AGPAT5: variants seen among roughly 807,000 people sequenced by gnomAD.
AGPAT5 encodes 1-acylglycerol-3-phosphate O-acyltransferase 5.
In AGPAT5, 46 loss-of-function variants were observed where a neutral mutation model predicts 45.6. That is an observed-to-expected ratio of 1.01 (90% CI 0.80 to 1.29). The LOEUF (loss-of-function observed/expected upper bound fraction) is 1.29. Among genes scored for constraint, AGPAT5 ranks in the 50% most tolerant of loss-of-function variants. The pLI, the probability that AGPAT5 is intolerant of heterozygous loss-of-function variation, is 0.00. For synonymous variants in AGPAT5, 272 were observed against 167.0 expected (o/e 1.63, Z -4.85); for missense variants, 673 against 450.7 (o/e 1.49, Z -4.47).
At chr8:6,741,024 A>T (rs1801228682) in intron 4 of AGPAT5, among the ~76,000 whole-genome samples, 1 of 152,124 alleles carries the variant, frequency 6.6e-6, no homozygotes, top group Non-Finnish European at 1.5e-5. Flanking sequence ...TAAGCGTAAA[A>T]ACTTAGACTA....
chr8:6,731,854 C>G (rs1800875422), intron 3 of AGPAT5, among the ~76,000 whole-genome samples: 1 of 152,332 alleles, frequency 6.6e-6, no homozygotes, highest in East Asian at 1.9e-4. Flanking sequence ...AGGCCTCTCT[C>G]CCAGGCTTGC....
intron 2 of AGPAT5, among the ~76,000 whole-genome samples, chr8:6,725,425 C>G (rs1436384647): frequency 1.3e-5 from 2 of 152,134 alleles, no homozygotes; most frequent in Non-Finnish European, 2.9e-5. Context: ...TGCTACTGTT[C>G]CATCAGAGGA....
intron 1 of AGPAT5, among the ~76,000 whole-genome samples, chr8:6,712,028 G>A (rs1800172333): frequency 1.3e-5 from 2 of 152,144 alleles, no homozygotes; most frequent in Admixed American, 6.6e-5. Context: ...TTGAGGGGCT[G>A]CCCTTCATTC....
At chr8:6,719,472 A>C (rs1314331887) in intron 1 of AGPAT5, among the ~76,000 whole-genome samples, 2 of 152,204 alleles carry the variant, frequency 1.3e-5, no homozygotes, top group Non-Finnish European at 2.9e-5. Context: ...AGGAATTCCT[A>C]CTCATCAAAA....
chr8:6,729,372 C>T (rs1162584407), intron 2 of AGPAT5, among the ~76,000 whole-genome samples: 2 of 147,088 alleles, frequency 1.4e-5, no homozygotes, highest in African/African-American at 2.6e-5. Context: ...CATTTCCTTC[C>T]TCTGACTCAC....
intron 1 of AGPAT5, among the ~76,000 whole-genome samples, chr8:6,720,189 G>T (rs1024063518): frequency 6.6e-6 from 1 of 152,062 alleles, no homozygotes; most frequent in Non-Finnish European, 1.5e-5. Flanking sequence ...ATGTGCTGTG[G>T]GAGTCAGTGA....
At chr8:6,735,234 C>T (rs1035738264) in intron 4 of AGPAT5, among the ~76,000 whole-genome samples, 6 of 152,248 alleles carry the variant, frequency 3.9e-5, no homozygotes, top group East Asian at 1.9e-4. Flanking sequence ...TGCCCCTGTT[C>T]ATCAGTTTCA....
At chr8:6,755,731 G>A (rs1250346800) in intron 7 of AGPAT5, among the ~76,000 whole-genome samples, 1 of 152,172 alleles carries the variant, frequency 6.6e-6, no homozygotes, top group Non-Finnish European at 1.5e-5. Flanking sequence ...TTCTGCTCAA[G>A]AAACTATCAT....
chr8:6,709,074 G>A, intron 1 of AGPAT5, 187 bp downstream of exon 1: 1 of 700,902 alleles, frequency 1.4e-6, no homozygotes, highest in Non-Finnish European at 2.5e-6. Flanking sequence ...CGCTCTCTAG[G>A]AAGCTGTGGC....
chr8:6,746,942 G>A (rs1408003172), intron 5 of AGPAT5, among the ~76,000 whole-genome samples: 1 of 152,194 alleles, frequency 6.6e-6, no homozygotes, highest in Non-Finnish European at 1.5e-5. Context: ...AATGGGATTT[G>A]TTCTGGATAA....
intron 4 of AGPAT5, chr8:6,738,414 T>C (rs1801128218): frequency 6.6e-6 from 1 of 152,208 alleles, no homozygotes; most frequent in Non-Finnish European, 1.5e-5. Flanking sequence ...ATCAATTAAA[T>C]TTGTCATCTT....
At chr8:6,748,211 A>G (rs935774066) in intron 6 of AGPAT5, among the ~76,000 whole-genome samples, 1 of 152,288 alleles carries the variant, frequency 6.6e-6, no homozygotes, top group Non-Finnish European at 1.5e-5. Flanking sequence ...TATTTATTAA[A>G]TTTGGGTGTC....
chr8:6,735,625 C>A (rs888143883), intron 4 of AGPAT5, among the ~76,000 whole-genome samples: 1 of 152,112 alleles, frequency 6.6e-6, no homozygotes, highest in Non-Finnish European at 1.5e-5. Flanking sequence ...AGTTGGTTGC[C>A]TTGCAACCTT....
Position 6,736,359 on chromosome 8 carries a change from A to G in AGPAT5, c.495+3709A>G, listed in dbSNP as rs114457580. On this transcript the variant is annotated intron_variant, in intron 4 of 7. Transcript: ENST00000285518. The stretch of plus-strand genomic sequence containing the variant: ...AATCCATTCAACTTCAGTGTTTTAA[A>G]TTATTGTTTTTCATTATATGAAGTG... Among the ~76,000 whole-genome samples, 562 of 152,292 alleles carry G rather than the reference A, an allele frequency of 3.7e-3. 7 individuals are homozygous for G. Among genetic ancestry groups the G allele is most frequent in the African/African-American group, 0.012 (515 of 41,572 alleles).
At chr8:6,751,245 T>C (rs904377244) in intron 6 of AGPAT5, among the ~76,000 whole-genome samples, 2 of 152,206 alleles carry the variant, frequency 1.3e-5, no homozygotes, top group Non-Finnish European at 2.9e-5. Flanking sequence ...TTAAATATTA[T>C]CTCTATATAT....
chr8:6,709,644 C>G (rs1287422502), intron 1 of AGPAT5: 2 of 151,668 alleles, frequency 1.3e-5, no homozygotes, highest in East Asian at 1.9e-4. Context: ...TAATGTCCAC[C>G]TAGTCCTCTT....
At position 6,760,578 on chromosome 8, in the gene AGPAT5, T is replaced by C. The variant is rs1587081322; in HGVS notation, c.*3190T>C. 6.6e-6 allele frequency among the ~76,000 whole-genome samples: 1 copy of C among 152,332 alleles called. No homozygotes were observed. Among genetic ancestry groups the C allele is most frequent in the East Asian group, 1.9e-4 (1 of 5,188 alleles). On this transcript the variant is annotated 3_prime_UTR_variant, in exon 8 of 8. Transcript: ENST00000285518. The stretch of plus-strand genomic sequence containing the variant: ...TTTAACCTTAATTTGTTTTTAGTAG[T>C]GTTTAGATTGAAGATTGAGTGAAAT...
intron 1 of AGPAT5, among the ~76,000 whole-genome samples, chr8:6,723,703 G>A (rs1961768): frequency 0.73 from 111,499 of 152,192 alleles, 42,263 homozygotes; most frequent in African/African-American, 0.93. Context: ...TTGTGCAAAT[G>A]TTTAAACATA....
intron 1 of AGPAT5, among the ~76,000 whole-genome samples, chr8:6,724,190 A>G (rs1215030570): frequency 2.0e-5 from 3 of 152,222 alleles, no homozygotes; most frequent in African/African-American, 7.2e-5. Flanking sequence ...TAAAGTTTTA[A>G]TCTTTAGCAT....
Sources: allele counts gnomAD v4.1 joint callset (sites outside exome capture counted in the v4.1 genomes callset), GRCh38; gene constraint gnomAD v4.1.1; transcripts MANE v1.5; gene names NCBI Gene and HGNC (gene_info 2026-07-23, HGNC 2026-07-21).